Variants in ZNF765 observed in about 807,000 individuals in gnomAD.
The protein encoded by ZNF765 is zinc finger protein 765.
In ZNF765, 37 loss-of-function variants were observed where a neutral mutation model predicts 44.7. That is an observed-to-expected ratio of 0.83 (90% CI 0.64 to 1.09). The LOEUF (loss-of-function observed/expected upper bound fraction) is 1.09, where lower values mean the gene tolerates loss of function less well. Ranked by LOEUF, ZNF765 falls within the 50% of genes least tolerant of loss-of-function variation. The pLI, the probability that ZNF765 is intolerant of heterozygous loss-of-function variation, is 0.00. For missense variants in ZNF765, 594 were observed against 626.1 expected (o/e 0.95, Z 0.55); for synonymous variants, 201 against 213.7 (o/e 0.94, Z 0.52).
chr19:53,399,634 T>C (rs370638307), intron 2 of ZNF765, among the ~76,000 whole-genome samples: 1 of 151,812 alleles, frequency 6.6e-6, no homozygotes, highest in Admixed American at 6.6e-5. Context: ...TGAGCTGAGA[T>C]TGTGCCACTG....
intron 3 of ZNF765, among the ~76,000 whole-genome samples, chr19:53,407,076 A>G (rs1399462426): frequency 6.6e-6 from 1 of 152,136 alleles, no homozygotes; most frequent in Admixed American, 6.5e-5. Flanking sequence ...CAGTGGTGCA[A>G]TCTCAGCTCA....
chr19:53,400,487 C>G (rs2085713106), intron 2 of ZNF765, among the ~76,000 whole-genome samples: 1 of 152,008 alleles, frequency 6.6e-6, no homozygotes, highest in African/African-American at 2.4e-5. Context: ...CAAGATTCCC[C>G]CCTGTCCCCA....
chr19:53,421,251 A>G (rs1288392693), intron 3 of ZNF765, among the ~76,000 whole-genome samples: 2 of 151,884 alleles, frequency 1.3e-5, no homozygotes, highest in African/African-American at 4.8e-5. Context: ...CCCTCTCCCC[A>G]CTATTACCCT....
Position 53,411,721 on chromosome 19 carries a change from C to A in ZNF765, c.*2594C>A, listed in dbSNP as rs1318473303. On this transcript the variant is annotated 3_prime_UTR_variant, in exon 4 of 4. Transcript: ENST00000396408. ...GCTCTATGTTTCTAATCATTTTGAT[C>A]AATGTTTGTAGATTTCAAGGTAAAA... The A allele has an allele frequency of 1.3e-5, 2 of 152,228 alleles. No individual in the cohort carries two copies. The highest frequency in any genetic ancestry group is 3.8e-4 in the East Asian group (2 of 5,206). The allele number at this position is 152,228 out of a possible 1,614,324, so 9.4% of individuals were successfully genotyped here. A position where few individuals can be genotyped will look rare whatever the true frequency, so the allele number is the denominator to read the frequency against.
At chr19:53,401,028 G>A (rs1213904482) in intron 2 of ZNF765, among the ~76,000 whole-genome samples, 1 of 150,206 alleles carries the variant, frequency 6.7e-6, no homozygotes, top group African/African-American at 2.4e-5. Flanking sequence ...TTTTGGAGAT[G>A]GAGTATCTGT....
downstream of ZNF765, among the ~76,000 whole-genome samples, chr19:53,413,700 G>T (rs1342428337): frequency 6.7e-6 from 1 of 149,952 alleles, no homozygotes; most frequent in Non-Finnish European, 1.5e-5. Context: ...GAGACCAGGA[G>T]TCTCCTGGGA....
Position 53,411,117 on chromosome 19 carries a change from G to A in ZNF765, c.*1990G>A. On this transcript the variant is annotated 3_prime_UTR_variant, in exon 4 of 4. Coordinates refer to ENST00000396408, the MANE Select transcript of ZNF765 (RefSeq NM_001040185.3). ...AGTTGAAGCCTTAATTGACATTAAA[G>A]TGTTTATGTTAAGAGGACTGGGCCA... The A allele has an allele frequency of 4.3e-6, 1 of 231,786 alleles. No homozygotes were observed. Among genetic ancestry groups the A allele is most frequent in the South Asian group, 6.2e-5 (1 of 16,122 alleles). 14.4% of individuals were successfully genotyped at this position (231,786 alleles called of 1,614,324 possible).
rs78050896 is a variant in ZNF765, at chr19:53,410,398, A to G, written c.*1271A>G. 3,299 of 335,878 alleles carry G rather than the reference A, an allele frequency of 9.8e-3. 29 individuals carry two copies. The highest frequency in any genetic ancestry group is 0.015 in the Non-Finnish European group (2,491 of 165,662). The allele number at this position is 335,878 out of a possible 1,614,324, so 20.8% of individuals were successfully genotyped here. On this transcript the variant is annotated 3_prime_UTR_variant, in exon 4 of 4. Transcript: ENST00000396408. The stretch of plus-strand genomic sequence containing the variant: ...CTCAAACCTTGAAAGACACAGGAGA[A>G]TTCCTACTGGAGAGATAGCATAAAA...
chr19:53,409,424 G>A lies in ZNF765; in HGVS notation c.*297G>A. ...TTCAAATCCAACCTTGAAAGACATAGGAGAATTCACACTGGTGAGAAACCT... is the reference window on the plus strand; with the variant it reads ...TTCAAATCCAACCTTGAAAGACATAAGAGAATTCACACTGGTGAGAAACCT... On this transcript the variant is annotated 3_prime_UTR_variant, in exon 4 of 4. Transcript: ENST00000396408. 1.2e-6 allele frequency: 1 copy of A among 833,664 alleles called. No individual in the cohort carries two copies. The highest frequency in any genetic ancestry group is 1.3e-5 in the South Asian group (1 of 74,992). The allele number at this position is 833,664 out of a possible 1,614,324, so 51.6% of individuals were successfully genotyped here.
intron 2 of ZNF765, among the ~76,000 whole-genome samples, chr19:53,400,057 C>T (rs961654532): frequency 2.0e-5 from 3 of 152,148 alleles, no homozygotes; most frequent in South Asian, 2.1e-4. Flanking sequence ...TTTGATCCAC[C>T]TGCCTCAGCC....
chr19:53,414,478 CACACACACACA>C (rs2085860634), downstream of ZNF765, among the ~76,000 whole-genome samples: 10 of 21,634 alleles, frequency 4.6e-4, no homozygotes, highest in African/African-American at 2.2e-3. Context: ...CACACACACA[CACACACACACA>C]CCCCCCCCCC....
intron 3 of ZNF765, among the ~76,000 whole-genome samples, chr19:53,403,704 A>G (rs1250384090): frequency 6.6e-6 from 1 of 152,124 alleles, no homozygotes; most frequent in Non-Finnish European, 1.5e-5. Flanking sequence ...TTAGCCGGAC[A>G]CTGTGGTGGG....
chr19:53,399,080 C>CT (rs1379799153), intron 2 of ZNF765, among the ~76,000 whole-genome samples: 4 of 151,246 alleles, frequency 2.6e-5, no homozygotes, highest in South Asian at 2.1e-4. Context: ...ATATATTTTT[C>CT]TTTTTTTTAA....
chr19:53,414,914 A>G (rs2085865953), downstream of ZNF765, among the ~76,000 whole-genome samples: 1 of 152,136 alleles, frequency 6.6e-6, no homozygotes, highest in South Asian at 2.1e-4. Flanking sequence ...GTTTATTCAC[A>G]GTCACCATGG....
chr19:53,397,981 C>A lies in ZNF765; in HGVS notation c.-35C>A. 1 of 1,612,026 alleles carries A rather than the reference C, an allele frequency of 6.2e-7. No individual in the cohort carries two copies. Among genetic ancestry groups the A allele is most frequent in the South Asian group, 1.1e-5 (1 of 91,034 alleles). On this transcript the variant is annotated 5_prime_UTR_variant, in exon 2 of 4. Transcript: ENST00000396408. ...AGACTCTTGGTATGTGAGGAAGAAACCTGGAAGAGGAAGAGGAAAGCAAAG... is the reference window on the plus strand; with the variant it reads ...AGACTCTTGGTATGTGAGGAAGAAAACTGGAAGAGGAAGAGGAAAGCAAAG...
At chr19:53,424,642 G>C (rs2085927744) in exon 4 of ZNF765, 1 of 150,380 alleles carries the variant, frequency 6.6e-6, no homozygotes, top group South Asian at 2.1e-4. Flanking sequence ...GAGGTGAAAT[G>C]ACAGTAAGAC....
chr19:53,412,771 G>A (rs559136286), downstream of ZNF765, among the ~76,000 whole-genome samples: 11 of 152,054 alleles, frequency 7.2e-5, no homozygotes, highest in East Asian at 5.8e-4. Flanking sequence ...CACCCGCCTC[G>A]GCCTCCCAAA....
chr19:53,418,771 G>T (rs1202041704), intron 3 of ZNF765, among the ~76,000 whole-genome samples: 3 of 151,932 alleles, frequency 2.0e-5, no homozygotes, highest in Non-Finnish European at 4.4e-5. Context: ...CGGGCTTAGT[G>T]GTGGGCCCCT....
At chr19:53,400,096 G>A (rs765184184) in intron 2 of ZNF765, among the ~76,000 whole-genome samples, 2 of 152,152 alleles carry the variant, frequency 1.3e-5, no homozygotes, top group Admixed American at 1.3e-4. Flanking sequence ...ACAGGCATGA[G>A]CCACCGCATC....
Sources: allele counts gnomAD v4.1 joint callset (sites outside exome capture counted in the v4.1 genomes callset), GRCh38; gene constraint gnomAD v4.1.1; transcripts MANE v1.5; gene names NCBI Gene and HGNC (gene_info 2026-07-23, HGNC 2026-07-21).